Variants in EML6 observed in about 807,000 individuals in gnomAD.
EML6 encodes EMAP like 6.
In EML6, 154 loss-of-function variants were observed where a neutral mutation model predicts 240.1. The observed-to-expected ratio is 0.64, with a 90% confidence interval of 0.56 to 0.73. The LOEUF (loss-of-function observed/expected upper bound fraction) is 0.73. Among genes scored for constraint, EML6 ranks in the 30% least tolerant of loss-of-function variants. The pLI is 0.00. For synonymous variants in EML6, 1,148 were observed against 899.0 expected (o/e 1.28, Z -4.95); for missense variants, 2,964 against 2,474.6 (o/e 1.20, Z -4.20).
In EML6 at chr2:54,773,326, T is replaced by G. The variant is rs184742301; in HGVS notation, c.198-39906T>G. Among the ~76,000 whole-genome samples, 12 of 152,380 alleles carry G rather than the reference T, an allele frequency of 7.9e-5. No homozygotes were observed. In the South Asian group the frequency reaches 8.3e-4, roughly 11 times the overall value. On this transcript the variant is annotated intron_variant, in intron 2 of 41. Transcript: ENST00000356458. Reference sequence around the variant, plus strand: ...GCCCAAAGCCGGGGCAGCAAGACACTAGGACAAGTTTCAGAACTGCGTTCC... The same window carrying G: ...GCCCAAAGCCGGGGCAGCAAGACACGAGGACAAGTTTCAGAACTGCGTTCC...
intron 2 of EML6, among the ~76,000 whole-genome samples, chr2:54,799,420 A>C (rs1669996324): frequency 6.6e-6 from 1 of 150,992 alleles, no homozygotes; most frequent in South Asian, 2.1e-4. Context: ...ATCTCCGTTC[A>C]CTGCAACCTC....
intron 13 of EML6, 78 bp from the exon 14 acceptor site, chr2:54,866,688 T>C (rs1670986383): frequency 4.3e-6 from 3 of 704,868 alleles, no homozygotes; most frequent in Admixed American, 5.8e-5. Flanking sequence ...TTAAAGATTT[T>C]ACAAGAATGT....
At chr2:54,941,298 G>A (rs1220648293) in intron 28 of EML6, among the ~76,000 whole-genome samples, 1 of 152,102 alleles carries the variant, frequency 6.6e-6, no homozygotes, top group Non-Finnish European at 1.5e-5. Flanking sequence ...TCACTCATAT[G>A]TGGAAGCTGC....
intron 41 of EML6, 111 bp downstream of exon 41, chr2:54,968,879 T>A (rs539186340): frequency 1.4e-4 from 84 of 619,322 alleles, no homozygotes; most frequent in Non-Finnish European, 2.3e-4. Context: ...AGGGCTGATG[T>A]GGGGCTAATA....
At chr2:54,886,157 C>CTTTTTTTTTTTTTT (rs1558650389) in intron 17 of EML6, among the ~76,000 whole-genome samples, 2 of 115,236 alleles carry the variant, frequency 1.7e-5, no homozygotes. Context: ...TTTTTTTAAC[C>CTTTTTTTTTTTTTT]TTCTTTTTTT....
intron 28 of EML6, among the ~76,000 whole-genome samples, chr2:54,945,433 A>C (rs1354268795): frequency 6.6e-6 from 1 of 151,960 alleles, no homozygotes; most frequent in Admixed American, 6.6e-5. Flanking sequence ...CACGACTCAA[A>C]ACAACTTCAA....
At chr2:54,840,629 A>AG (rs1162190849) in intron 7 of EML6, among the ~76,000 whole-genome samples, 1 of 152,230 alleles carries the variant, frequency 6.6e-6, no homozygotes, top group Non-Finnish European at 1.5e-5. Context: ...CTGAGTAACA[A>AG]GGGTGGTATC....
At chr2:54,903,577 G>A (rs1673169682) in intron 24 of EML6, 75 bp downstream of exon 24, 3 of 1,126,718 alleles carry the variant, frequency 2.7e-6, no homozygotes, top group Middle Eastern at 2.2e-4. Flanking sequence ...TTTCTAGAGA[G>A]AATGGCAGTT....
chr2:54,910,807 A>C (rs1282838179), intron 24 of EML6, 147 bp from the exon 25 acceptor site: 2 of 539,388 alleles, frequency 3.7e-6, no homozygotes, highest in African/African-American at 3.8e-5. Context: ...TTGGCTGTAC[A>C]TGCCCTTCTG....
intron 2 of EML6, among the ~76,000 whole-genome samples, chr2:54,730,445 A>G (rs1683102397): frequency 1.3e-5 from 2 of 152,360 alleles, no homozygotes. Flanking sequence ...AGGTAACTAC[A>G]AAGAATCAAA....
chr2:54,893,770 G>A (rs1319991657), intron 19 of EML6, among the ~76,000 whole-genome samples: 9 of 152,152 alleles, frequency 5.9e-5, no homozygotes, highest in Admixed American at 5.9e-4. Flanking sequence ...CAAATGTGTT[G>A]ATTCTACTAC....
chr2:54,925,587 C>T (rs1418062424), intron 26 of EML6, among the ~76,000 whole-genome samples: 1 of 152,126 alleles, frequency 6.6e-6, no homozygotes, highest in African/African-American at 2.4e-5. Context: ...TTTTTCTTTC[C>T]ATGCCAGACA....
chr2:54,952,485 A>G, intron 30 of EML6, 109 bp from the exon 31 acceptor site: 1 of 630,386 alleles, frequency 1.6e-6, no homozygotes, highest in African/African-American at 1.8e-5. Flanking sequence ...GAGGGCTGTA[A>G]GCTCTCACTT....
intron 2 of EML6, among the ~76,000 whole-genome samples, chr2:54,779,991 C>T (rs188192735): frequency 1.7e-4 from 26 of 151,646 alleles, no homozygotes; most frequent in East Asian, 5.8e-4. Flanking sequence ...TCAAATGATA[C>T]GGAAATGTAC....
At chr2:54,841,801 C>T (rs1469616020) in intron 7 of EML6, among the ~76,000 whole-genome samples, 3 of 150,760 alleles carry the variant, frequency 2.0e-5, no homozygotes, top group African/African-American at 7.5e-5. Flanking sequence ...CCATGTTGGC[C>T]AAGCTGGTCT....
intron 32 of EML6, among the ~76,000 whole-genome samples, chr2:54,957,430 G>T (rs574549265): frequency 1.3e-5 from 2 of 150,652 alleles, no homozygotes; most frequent in East Asian, 1.9e-4. Context: ...GTCATCCTGT[G>T]GGGGGACGAC....
rs775691700 is a variant in EML6, at chr2:54,964,078, A to G, written c.5250A>G (p.Gly1750=). ...TGGTGGCCATTGGCATGAAGAATGG[A>G]GAGTTTGTCATCTTGTTGGTGAACA... ...GEMVAIGMKN[G]EFVILLVNSL... Residue 1750 remains glycine, a synonymous_variant, in exon 37 of 42, where the codon GGA becomes GGG. Transcript: ENST00000356458. 150 of 1,551,610 alleles carry G rather than the reference A, an allele frequency of 9.7e-5. No homozygotes were observed. The highest frequency in any genetic ancestry group is 1.3e-4 in the Non-Finnish European group (144 of 1,147,014).
chr2:54,748,774 G>T (rs1212873964), intron 2 of EML6, among the ~76,000 whole-genome samples: 1 of 151,996 alleles, frequency 6.6e-6, no homozygotes, highest in Non-Finnish European at 1.5e-5. Context: ...TGTTGCCCAG[G>T]CTGGGCTCAA....
intron 2 of EML6, among the ~76,000 whole-genome samples, chr2:54,800,100 C>A (rs989086098): frequency 6.6e-6 from 1 of 152,118 alleles, no homozygotes; most frequent in East Asian, 1.9e-4. Flanking sequence ...CAAAAATTAG[C>A]TGGGTGTGGT....
Sources: gnomAD v4.1 joint callset for allele counts (sites outside exome capture counted in the v4.1 genomes callset) on GRCh38, gnomAD v4.1.1 for gene constraint, MANE v1.5 for transcripts, NCBI Gene and HGNC (gene_info 2026-07-23, HGNC 2026-07-21) for gene names.